The following DLGAP1 variants were observed in gnomAD, a reference collection of about 807,000 sequenced individuals.
DLGAP1 encodes DLG associated protein 1, also known as disks large-associated protein 1.
In DLGAP1, 11 loss-of-function variants were observed where a neutral mutation model predicts 90.8. The ratio of observed to expected loss-of-function variants is 0.12; its 90% CI spans 0.08 to 0.20. The LOEUF is 0.20. DLGAP1 is among the 10% of genes least tolerant of loss of function. The pLI, the probability that DLGAP1 is intolerant of heterozygous loss-of-function variation, is 1.00. For missense variants in DLGAP1, 1,050 were observed against 1,333.8 expected (o/e 0.79, Z 3.31); for synonymous variants, 558 against 540.7 (o/e 1.03, Z -0.44).
At chr18:4,228,031 A>G (rs1390401440) in intron 1 of DLGAP1, among the ~76,000 whole-genome samples, 1 of 151,784 alleles carries the variant, frequency 6.6e-6, no homozygotes, top group Non-Finnish European at 1.5e-5. Flanking sequence ...TCAACCCAAT[A>G]CCACTGAAAT....
chr18:3,551,722 CCCTTCCTTCCTTCCTTCCTTCCTT>C (rs1156785378), intron 9 of DLGAP1, among the ~76,000 whole-genome samples: 23 of 12,538 alleles, frequency 1.8e-3, no homozygotes, highest in Admixed American at 2.8e-3. Flanking sequence ...CTCCCTCCCT[CCCTTCCTTCCTTCCTTCCTTCCTT>C]CCTTCCTTCC....
chr18:4,089,353 A>G (rs1247731851), intron 2 of DLGAP1, among the ~76,000 whole-genome samples: 1 of 152,214 alleles, frequency 6.6e-6, no homozygotes, highest in Non-Finnish European at 1.5e-5. Context: ...GGAAGAATAA[A>G]TATTGTGAAA....
intron 2 of DLGAP1, among the ~76,000 whole-genome samples, chr18:4,042,032 T>C (rs1030131872): frequency 2.0e-5 from 3 of 152,244 alleles, no homozygotes; most frequent in Non-Finnish European, 2.9e-5. Context: ...TAGAGATGTT[T>C]TGATGACATC....
At chr18:3,771,483 G>A (rs1437702015) in intron 5 of DLGAP1, 1 of 152,376 alleles carries the variant, frequency 6.6e-6, no homozygotes, top group Non-Finnish European at 1.5e-5. Context: ...GGCGGGTGGC[G>A]GCGTCAGTCC....
chr18:4,083,407 A>C (rs1245089169), intron 2 of DLGAP1, among the ~76,000 whole-genome samples: 1 of 152,214 alleles, frequency 6.6e-6, no homozygotes, highest in Non-Finnish European at 1.5e-5. Flanking sequence ...TCCTGCAGAA[A>C]ATATGAAAAA....
chr18:3,811,782 G>A (rs1400345442), intron 5 of DLGAP1, among the ~76,000 whole-genome samples: 1 of 152,220 alleles, frequency 6.6e-6, no homozygotes, highest in Non-Finnish European at 1.5e-5. Flanking sequence ...AAATGAGAAA[G>A]AAAGAGTTTC....
intron 1 of DLGAP1, among the ~76,000 whole-genome samples, chr18:4,444,265 T>C (rs888437367): frequency 4.6e-5 from 7 of 152,230 alleles, no homozygotes; most frequent in African/African-American, 1.7e-4. Flanking sequence ...GAAATATGTA[T>C]TCTGAGCACA....
chr18:4,175,407 A>T (rs1245662617), intron 1 of DLGAP1, among the ~76,000 whole-genome samples: 1 of 152,082 alleles, frequency 6.6e-6, no homozygotes, highest in Non-Finnish European at 1.5e-5. Context: ...GCTGTGCAGA[A>T]GCTCTTCAGT....
chr18:3,617,540 G>A, intron 7 of DLGAP1, among the ~76,000 whole-genome samples: 1 of 147,438 alleles, frequency 6.8e-6, no homozygotes, highest in East Asian at 2.0e-4. Flanking sequence ...GCAGTGAGCT[G>A]AGATCCCACC....
chr18:4,049,015 T>A (rs1446222578), intron 2 of DLGAP1, among the ~76,000 whole-genome samples: 2 of 152,034 alleles, frequency 1.3e-5, no homozygotes, highest in Non-Finnish European at 2.9e-5. Context: ...TCGCTTGAGG[T>A]CAGCAGTTCG....
At chr18:4,121,022 G>C (rs1453409072) in intron 2 of DLGAP1, among the ~76,000 whole-genome samples, 3 of 152,184 alleles carry the variant, frequency 2.0e-5, no homozygotes, top group African/African-American at 7.2e-5. Context: ...ACAAATGCAA[G>C]ATGAGTTCTG....
At chr18:4,287,240 G>C (rs1238448379) in intron 1 of DLGAP1, among the ~76,000 whole-genome samples, 2 of 152,190 alleles carry the variant, frequency 1.3e-5, no homozygotes, top group Non-Finnish European at 2.9e-5. Context: ...CAGTTAAAAA[G>C]TCAGGAAACA....
At chr18:3,789,260 G>GCAAT (rs990188695) in intron 5 of DLGAP1, among the ~76,000 whole-genome samples, 2 of 152,192 alleles carry the variant, frequency 1.3e-5, no homozygotes, top group Non-Finnish European at 2.9e-5. Context: ...ATAACCTACT[G>GCAAT]CAATAGAGGC....
At chr18:4,152,738 A>G (rs1281193467) in intron 1 of DLGAP1, among the ~76,000 whole-genome samples, 1 of 152,192 alleles carries the variant, frequency 6.6e-6, no homozygotes, top group Non-Finnish European at 1.5e-5. Context: ...CTCTTTATCC[A>G]TGACATAGAA....
chr18:3,956,779 T>C (rs574441898), intron 3 of DLGAP1, among the ~76,000 whole-genome samples: 13 of 152,098 alleles, frequency 8.5e-5, no homozygotes, highest in Non-Finnish European at 1.6e-4. Flanking sequence ...GCCTCCTGAA[T>C]AGCTGGGACT....
chr18:3,499,012 G>C lies in DLGAP1; in HGVS notation c.*173C>G. 1 of 589,044 alleles carries C rather than the reference G, an allele frequency of 1.7e-6. No homozygotes were observed. The highest frequency in any genetic ancestry group is 3.2e-5 in the Admixed American group (1 of 30,992). The allele number at this position is 589,044 out of a possible 1,614,324, so 36.5% of individuals were successfully genotyped here. On this transcript the variant is annotated 3_prime_UTR_variant, in exon 13 of 13. Coordinates refer to ENST00000315677, the MANE Select transcript of DLGAP1 (RefSeq NM_004746.4). The surrounding 1 kb of genome is among the most constrained non-coding windows in gnomAD (Gnocchi z 6.4). ...TGGGCAAACGGGTACGGGAAGTGGG[G>C]GGCTGAGGGGGGCCCGGGGGGCGGC... is the stretch of plus-strand genomic sequence containing the variant.
At chr18:3,920,478 T>C (rs770695924) in intron 3 of DLGAP1, among the ~76,000 whole-genome samples, 5 of 151,704 alleles carry the variant, frequency 3.3e-5, no homozygotes, top group Non-Finnish European at 7.4e-5. Context: ...CTACCTCCCC[T>C]CTGCTGCCAC....
intron 10 of DLGAP1, among the ~76,000 whole-genome samples, chr18:3,512,729 G>A (rs2050613815): frequency 2.6e-5 from 4 of 152,108 alleles, no homozygotes; most frequent in Admixed American, 2.6e-4. Flanking sequence ...TCTTCCCCAC[G>A]GACATCTGCT....
At chr18:3,745,602 A>C (rs1048677601) in intron 5 of DLGAP1, among the ~76,000 whole-genome samples, 5 of 152,232 alleles carry the variant, frequency 3.3e-5, no homozygotes, top group Non-Finnish European at 7.3e-5. Flanking sequence ...GGAGGTCTAA[A>C]GGTTCTAAGA....
Sources: gnomAD v4.1 joint callset for allele counts (sites outside exome capture counted in the v4.1 genomes callset) on GRCh38, gnomAD v4.1.1 for gene constraint, Gnocchi (gnomAD v3.1) non-coding constraint, MANE v1.5 for transcripts, NCBI Gene and HGNC (gene_info 2026-07-23, HGNC 2026-07-21) for gene names.